ZNF48: variants seen among roughly 807,000 people sequenced by gnomAD.
The protein encoded by ZNF48 is zinc finger protein 553.
Under a neutral mutation model 40.0 loss-of-function variants are expected in ZNF48, and 20 were observed. The observed-to-expected ratio is 0.50, with a 90% CI of 0.35 to 0.73. The LOEUF (loss-of-function observed/expected upper bound fraction) is 0.73, where lower values mean the gene tolerates loss of function less well. Among genes scored for constraint, ZNF48 ranks in the 30% least tolerant of loss-of-function variants. ZNF48 has a pLI of 0.01. For synonymous variants in ZNF48, 298 were observed against 329.7 expected, an observed-to-expected ratio of 0.90 and a Z score of 1.04; for missense variants, 726 against 851.9, an observed-to-expected ratio of 0.85 and a Z score of 1.84.
Position 30,397,761 on chromosome 16 carries a change from C to T in ZNF48, c.511C>T (p.Arg171Trp), listed in dbSNP as rs1234478542. Residue 171 changes from arginine to tryptophan, a missense_variant, in exon 3 of 3, where the codon CGG becomes TGG. This residue lies in a region of ZNF48 where 378 missense variants were observed against 449.1 expected (regional missense o/e 0.84). Coordinates refer to ENST00000613509, the MANE Select transcript of ZNF48 (RefSeq NM_001214909.2). This position sits in a 1 kb window ranked among gnomAD's most constrained non-coding sequence, Gnocchi z 4.1. Reference protein sequence around the residue: ...THSGEKPYRARPPAQGPPKIP... With the variant: ...THSGEKPYRAWPPAQGPPKIP... ...TAGTGGGGAGAAGCCCTATAGAGCC[C>T]GGCCACCAGCCCAGGGTCCCCCAAA... 11 of 1,613,634 alleles carry T rather than the reference C, an allele frequency of 6.8e-6. No individual in the cohort carries two copies. The highest frequency in any genetic ancestry group is 6.7e-5 in the East Asian group (3 of 44,870).
intron 1 of ZNF48, chr16:30,379,188 A>G: frequency 6.2e-7 from 1 of 1,613,396 alleles, no homozygotes. Context: ...TCTCCACTGG[A>G]GGGGGGGCGG....
chr16:30,379,013 C>T (rs974211504), intron 1 of ZNF48: 1 of 1,612,278 alleles, frequency 6.2e-7, no homozygotes, highest in Non-Finnish European at 8.5e-7. Flanking sequence ...CGCCCCGGGT[C>T]TCACCTGCGG....
At chr16:30,379,386 G>A in intron 1 of ZNF48, 1 of 1,536,570 alleles carries the variant, frequency 6.5e-7, no homozygotes, top group Non-Finnish European at 9.0e-7. Context: ...CTGACCCAGA[G>A]GCCCCGGGCT....
chr16:30,384,872 C>T (rs1247832316), intron 1 of ZNF48, among the ~76,000 whole-genome samples: 1 of 146,828 alleles, frequency 6.8e-6, no homozygotes, highest in Non-Finnish European at 1.5e-5. Context: ...GGCAAGACTC[C>T]GTCTCAAAAA....
chr16:30,384,211 T>C (rs534797853), intron 1 of ZNF48, among the ~76,000 whole-genome samples: 6 of 147,268 alleles, frequency 4.1e-5, no homozygotes, highest in Non-Finnish European at 8.9e-5. Context: ...CAAGACCCTA[T>C]CTCAAACAAA....
chr16:30,397,977 C>CG lies in ZNF48; in HGVS notation c.733dup (p.Glu245GlyfsTer35), dbSNP rs1205149098. ...CCGCATCAAGCACCAGCGGACACAC[C>CG]GGGGGGAGCAGCCCCCCCGACCAGT... On this transcript the variant is annotated frameshift_variant, in exon 3 of 3. Transcript: ENST00000613509. LOFTEE classifies it high-confidence loss of function. The surrounding 1 kb of genome is among the most constrained non-coding windows in gnomAD (Gnocchi z 4.1). 6.2e-7 allele frequency: 1 copy of CG among 1,613,594 alleles called. No homozygotes were observed. The highest frequency in any genetic ancestry group is 8.5e-7 in the Non-Finnish European group (1 of 1,179,944).
chr16:30,387,293 T>G (rs1374131698), intron 1 of ZNF48, among the ~76,000 whole-genome samples: 3 of 139,894 alleles, frequency 2.1e-5, no homozygotes, highest in Non-Finnish European at 4.6e-5. Flanking sequence ...CATGGCTCAC[T>G]CCTGTAATCC....
At chr16:30,386,777 G>A (rs2049903721) in intron 1 of ZNF48, among the ~76,000 whole-genome samples, 1 of 151,452 alleles carries the variant, frequency 6.6e-6, no homozygotes, top group South Asian at 2.1e-4. Flanking sequence ...TGATTTTCCT[G>A]CCTCAGCCTC....
chr16:30,387,189 C>G (rs574504564), intron 1 of ZNF48, among the ~76,000 whole-genome samples: 1 of 148,436 alleles, frequency 6.7e-6, no homozygotes, highest in Non-Finnish European at 1.5e-5. Flanking sequence ...GTGATCCGCC[C>G]GCCTTGGCCT....
chr16:30,398,189 C>G lies in ZNF48; in HGVS notation c.939C>G (p.Ala313=), dbSNP rs1483239128. The G allele has an allele frequency of 1.2e-6, 2 of 1,613,882 alleles. No homozygotes were observed. The highest frequency in any genetic ancestry group is 8.5e-7 in the Non-Finnish European group (1 of 1,179,970). ...GTGATGTGTGTGGAAAGGAGTTTGC[C>G]CGGGGATCCGACCTGGTGAAGCACC... The part of the protein sequence containing the change: ...FGCDVCGKEF[A]RGSDLVKHLR... Residue 313 remains alanine, a synonymous_variant, in exon 3 of 3, where the codon GCC becomes GCG. Coordinates refer to ENST00000613509, the MANE Select transcript of ZNF48 (RefSeq NM_001214909.2). This position sits in a 1 kb window ranked among gnomAD's most constrained non-coding sequence, Gnocchi z 6.6.
At chr16:30,391,112 C>G (rs2049939552), upstream of ZNF48, among the ~76,000 whole-genome samples, 1 of 152,172 alleles carries the variant, frequency 6.6e-6, no homozygotes, top group African/African-American at 2.4e-5. Flanking sequence ...TAAAACGGAA[C>G]TATTCTCTAT....
At chr16:30,392,752 A>G (rs192884961), upstream of ZNF48, among the ~76,000 whole-genome samples, 83 of 152,322 alleles carry the variant, frequency 5.4e-4, no homozygotes, top group Non-Finnish European at 9.4e-4. Context: ...CTTTAAAGAC[A>G]GTATCTGCAC....
At chr16:30,379,191 G>C (rs113348440) in intron 1 of ZNF48, 14 of 1,613,602 alleles carry the variant, frequency 8.7e-6, no homozygotes, top group African/African-American at 6.7e-5. Context: ...CCACTGGAGG[G>C]GGGGCGGCGC....
Position 30,382,780 on chromosome 16 carries a change from T to C in ZNF48, c.-16+4370T>C. ...CACATCTGGATTCCAAGTCCCACTG[T>C]AGCTCCATCATCGTGGTGAGACATG... On this transcript the variant is annotated intron_variant, in intron 1 of 2. Transcript: ENST00000528032. The surrounding 1 kb of genome is among the most constrained non-coding windows in gnomAD (Gnocchi z 4.8). 6.5e-7 allele frequency: 1 copy of C among 1,535,818 alleles called. No individual in the cohort carries two copies. Among genetic ancestry groups the C allele is most frequent in the Non-Finnish European group, 8.7e-7 (1 of 1,146,804 alleles).
At position 30,378,978 on chromosome 16, in the gene ZNF48, G is replaced by A. The variant is rs1248879931; in HGVS notation, c.-16+568G>A. 4.4e-6 allele frequency: 7 copies of A among 1,589,560 alleles called. No individual in the cohort carries two copies. The Middle Eastern group carries it at 5.2e-4, about 118-fold the overall frequency. On this transcript the variant is annotated intron_variant, in intron 1 of 2. Coordinates refer to the ZNF48 transcript ENST00000528032. The stretch of plus-strand genomic sequence containing the variant: ...TCAGGGCGGGGTCATGGGTGAGGCG[G>A]GACCTTGGAGGCTCTGATACTGTCC...
In ZNF48 at chr16:30,382,463, G is replaced by A; in HGVS notation, c.-16+4053G>A. 1 of 1,562,648 alleles carries A rather than the reference G, an allele frequency of 6.4e-7. No homozygotes were observed. Among genetic ancestry groups the A allele is most frequent in the Non-Finnish European group, 8.8e-7 (1 of 1,139,240 alleles). Reference sequence around the variant, plus strand: ...GGGCTAGGAAGAGTCAGTGGGGTCTGGGGACCCCAGGCATGGGGGCTGGGG... The same window carrying A: ...GGGCTAGGAAGAGTCAGTGGGGTCTAGGGACCCCAGGCATGGGGGCTGGGG... On this transcript the variant is annotated intron_variant, in intron 1 of 2. Coordinates refer to the ZNF48 transcript ENST00000528032. The surrounding 1 kb of genome is among the most constrained non-coding windows in gnomAD (Gnocchi z 4.8).
rs773075459 is a variant in ZNF48, at chr16:30,397,753, A to G, written c.503A>G (p.Tyr168Cys). 1.9e-5 allele frequency: 31 copies of G among 1,612,972 alleles called. No homozygotes were observed. Among genetic ancestry groups the G allele is most frequent in the East Asian group, 8.9e-5 (4 of 44,828 alleles). The stretch of plus-strand genomic sequence containing the variant: ...CGGACTCATAGTGGGGAGAAGCCCT[A>G]TAGAGCCCGGCCACCAGCCCAGGGT... ...HQRTHSGEKP[Y>C]RARPPAQGPP... The change falls in exon 3 of 3, where the codon TAT becomes TGT. Residue 168 changes from tyrosine (Y) to cysteine (C), a missense_variant. Transcript: ENST00000613509. The surrounding 1 kb of genome is among the most constrained non-coding windows in gnomAD (Gnocchi z 4.1).
chr16:30,378,496 C>T (rs1280322540), intron 1 of ZNF48: 3 of 1,579,600 alleles, frequency 1.9e-6, no homozygotes, highest in East Asian at 2.3e-5. Flanking sequence ...TGCATCTTCT[C>T]CAGCATCTCT....
At chr16:30,396,100 T>C in intron 2 of ZNF48, 1 of 424,934 alleles carries the variant, frequency 2.4e-6, no homozygotes, top group Non-Finnish European at 4.2e-6. Context: ...GCCTCTGCCC[T>C]ACTTCAGGCT....
Sources: allele counts gnomAD v4.1 joint callset (sites outside exome capture counted in the v4.1 genomes callset), GRCh38; gene constraint gnomAD v4.1.1; regional missense constraint gnomAD v4.1.1; non-coding constraint Gnocchi (gnomAD v3.1); transcripts MANE v1.5; gene names NCBI Gene and HGNC (gene_info 2026-07-23, HGNC 2026-07-21).